Variants in CDS2 observed in about 807,000 individuals in gnomAD.
The protein encoded by CDS2 is CDP-diacylglycerol synthase 2.
A neutral mutation model predicts 59.0 loss-of-function variants in CDS2; 47 were observed. The observed-to-expected ratio is 0.80, with a 90% CI of 0.63 to 1.02. The LOEUF is 1.02. Among genes scored for constraint, CDS2 ranks in the 50% least tolerant of loss-of-function variants. The pLI, the probability that CDS2 is intolerant of heterozygous loss-of-function variation, is 0.00. For missense variants in CDS2, 356 were observed against 558.9 expected (o/e 0.64, Z 3.66); for synonymous variants, 207 against 206.4 (o/e 1.00, Z -0.02).
At chr20:5,137,541 C>A (rs969124897) in intron 1 of CDS2, among the ~76,000 whole-genome samples, 1 of 148,984 alleles carries the variant, frequency 6.7e-6, no homozygotes, top group Non-Finnish European at 1.5e-5. Flanking sequence ...CCACACCTGA[C>A]CTTTCTACCT....
At chr20:5,185,226 G>C (rs573506149) in intron 8 of CDS2, among the ~76,000 whole-genome samples, 2 of 152,154 alleles carry the variant, frequency 1.3e-5, no homozygotes, top group Non-Finnish European at 2.9e-5. Context: ...TTCAAAAGCA[G>C]CCTGGGGAAC....
chr20:5,171,624 G>A (rs1449238451), intron 1 of CDS2, among the ~76,000 whole-genome samples: 1 of 152,222 alleles, frequency 6.6e-6, no homozygotes, highest in Non-Finnish European at 1.5e-5. Flanking sequence ...TCTTCATTTA[G>A]TCTCCCTGGA....
intron 1 of CDS2, among the ~76,000 whole-genome samples, chr20:5,139,024 A>G (rs996561449): frequency 4.4e-4 from 67 of 152,316 alleles, no homozygotes; most frequent in African/African-American, 1.6e-3. Flanking sequence ...TATCGCAACC[A>G]AAACAACATG....
At chr20:5,164,557 C>T (rs1442146528) in intron 1 of CDS2, among the ~76,000 whole-genome samples, 1 of 151,800 alleles carries the variant, frequency 6.6e-6, no homozygotes, top group South Asian at 2.1e-4. Flanking sequence ...TATTTTTCTT[C>T]TCCATCTTAC....
intron 11 of CDS2, among the ~76,000 whole-genome samples, chr20:5,189,441 G>A (rs993361730): frequency 1.3e-5 from 2 of 152,182 alleles, no homozygotes; most frequent in African/African-American, 4.8e-5. Flanking sequence ...GCTCATGTCT[G>A]TAACCCCAGC....
At chr20:5,143,831 C>T (rs1379448601) in intron 1 of CDS2, among the ~76,000 whole-genome samples, 1 of 147,770 alleles carries the variant, frequency 6.8e-6, no homozygotes, top group Non-Finnish European at 1.5e-5. Context: ...GTGGCATGAT[C>T]TTGGCTTACT....
intron 6 of CDS2, among the ~76,000 whole-genome samples, 198 bp downstream of exon 6, chr20:5,182,643 T>C (rs1416113513): frequency 1.3e-5 from 2 of 152,200 alleles, no homozygotes; most frequent in Admixed American, 6.5e-5. Flanking sequence ...TCACTGTTAC[T>C]TACACCTTAA....
At chr20:5,151,986 A>G (rs1259715894) in intron 1 of CDS2, among the ~76,000 whole-genome samples, 1 of 146,872 alleles carries the variant, frequency 6.8e-6, no homozygotes, top group Non-Finnish European at 1.5e-5. Flanking sequence ...CCAGTCTTGA[A>G]CTCCCGACCT....
intron 1 of CDS2, among the ~76,000 whole-genome samples, chr20:5,141,193 T>G (rs1169419243): frequency 6.6e-6 from 1 of 152,188 alleles, no homozygotes; most frequent in Non-Finnish European, 1.5e-5. Context: ...AGACCCTCAT[T>G]TCAAAACCCT....
intron 1 of CDS2, among the ~76,000 whole-genome samples, chr20:5,139,973 G>A (rs1357907089): frequency 6.6e-6 from 1 of 151,886 alleles, no homozygotes; most frequent in African/African-American, 2.4e-5. Flanking sequence ...CTAATTTTTG[G>A]TATTTTTTAG....
chr20:5,194,864 T>C lies in CDS2; in HGVS notation c.*4630T>C, dbSNP rs1050083288. 3 of 151,948 alleles carry C rather than the reference T, an allele frequency of 2.0e-5. No individual in the cohort carries two copies. Among genetic ancestry groups the C allele is most frequent in the Non-Finnish European group, 4.4e-5 (3 of 68,004 alleles). 9.4% of individuals were successfully genotyped at this position (151,948 alleles called of 1,614,324 possible). A position where few individuals can be genotyped will look rare whatever the true frequency, so the allele number is the denominator to read the frequency against. On this transcript the variant is annotated 3_prime_UTR_variant, in exon 13 of 13. Coordinates refer to ENST00000460006, the MANE Select transcript of CDS2 (RefSeq NM_003818.4). The stretch of plus-strand genomic sequence containing the variant: ...GTGTGTTTATTAATAAGGATTGCAA[T>C]AGTATAGTGCTTAATATGTGCCAGG...
intron 1 of CDS2, among the ~76,000 whole-genome samples, chr20:5,166,881 A>G (rs1381870112): frequency 6.6e-6 from 1 of 152,226 alleles, no homozygotes; most frequent in Non-Finnish European, 1.5e-5. Context: ...AAATGTCGAC[A>G]GCTCTTCCCA....
intron 1 of CDS2, among the ~76,000 whole-genome samples, chr20:5,141,039 C>G (rs1402609159): frequency 6.6e-6 from 1 of 152,162 alleles, no homozygotes; most frequent in Non-Finnish European, 1.5e-5. Flanking sequence ...AGCAGGCCTC[C>G]AAAAATAAAA....
intron 1 of CDS2, among the ~76,000 whole-genome samples, chr20:5,170,604 G>A (rs1354742076): frequency 6.6e-6 from 1 of 152,232 alleles, no homozygotes; most frequent in Non-Finnish European, 1.5e-5. Flanking sequence ...GTTGGCACCT[G>A]TTCGGCCCTG....
At chr20:5,132,805 A>G (rs1032167813) in intron 1 of CDS2, among the ~76,000 whole-genome samples, 3 of 152,198 alleles carry the variant, frequency 2.0e-5, no homozygotes, top group African/African-American at 7.2e-5. Context: ...TTGACTATTT[A>G]AAATTAGTTT....
intron 8 of CDS2, among the ~76,000 whole-genome samples, 200 bp downstream of exon 8, chr20:5,185,145 G>A (rs900845960): frequency 6.6e-6 from 1 of 152,144 alleles, no homozygotes; most frequent in African/African-American, 2.4e-5. Flanking sequence ...AATAGGCTGG[G>A]CGTGGTGGGT....
chr20:5,154,067 T>C (rs1215066034), intron 1 of CDS2, among the ~76,000 whole-genome samples: 2 of 152,186 alleles, frequency 1.3e-5, no homozygotes, highest in African/African-American at 4.8e-5. Flanking sequence ...AGAGATTTCT[T>C]TCCACCCCGT....
In CDS2 at chr20:5,141,839, G is replaced by A. The variant is rs185770441; in HGVS notation, c.57+14690G>A. Among the ~76,000 whole-genome samples the A allele has an allele frequency of 3.4e-3, 515 of 152,254 alleles. 3 individuals are homozygous for A. Among genetic ancestry groups the A allele is most frequent in the Admixed American group, 7.1e-3 (108 of 15,290 alleles). On this transcript the variant is annotated intron_variant, in intron 1 of 12. Coordinates refer to ENST00000460006, the MANE Select transcript of CDS2 (RefSeq NM_003818.4). ...CTGCAGAATTGATTGCTTGTTGAGT[G>A]TGTGGGGAGACATCCAAAACATTTG...
chr20:5,165,754 T>C (rs1417843715), intron 1 of CDS2, among the ~76,000 whole-genome samples: 1 of 151,848 alleles, frequency 6.6e-6, no homozygotes, highest in Non-Finnish European at 1.5e-5. Flanking sequence ...ACACAGGCAG[T>C]TGGGGAAGAT....
Sources: allele counts gnomAD v4.1 joint callset (sites outside exome capture counted in the v4.1 genomes callset), GRCh38; gene constraint gnomAD v4.1.1; transcripts MANE v1.5; gene names NCBI Gene and HGNC (gene_info 2026-07-23, HGNC 2026-07-21).